ATP10A: variants seen among roughly 807,000 people sequenced by gnomAD.
ATP10A encodes the protein ATPase phospholipid transporting 10A (putative).
In ATP10A, 111 loss-of-function variants were observed where a neutral mutation model predicts 147.8. The observed-to-expected ratio is 0.75, with a 90% CI of 0.64 to 0.88. The LOEUF is 0.88. Ranked by LOEUF, ATP10A falls within the 40% of genes least tolerant of loss-of-function variation. The probability of loss-of-function intolerance (pLI) is 0.00; values close to 1 mark genes in which losing one functional copy is unlikely to be tolerated. For missense variants in ATP10A, 1,927 were observed against 1,959.0 expected (o/e 0.98, Z 0.31); for synonymous variants, 875 against 841.6 (o/e 1.04, Z -0.69).
chr15:25,672,430 G>A (rs1253751656), downstream of ATP10A, among the ~76,000 whole-genome samples: 1 of 152,240 alleles, frequency 6.6e-6, no homozygotes, highest in Non-Finnish European at 1.5e-5. Context: ...CTATTGTGCA[G>A]AATGCTGCTA....
intron 13 of ATP10A, among the ~76,000 whole-genome samples, chr15:25,698,408 C>T (rs1306364452): frequency 6.6e-6 from 1 of 152,172 alleles, no homozygotes; most frequent in African/African-American, 2.4e-5. Flanking sequence ...TATATTTTCT[C>T]TTCCTTAAGA....
At chr15:25,843,661 T>A (rs1892904626) in intron 1 of ATP10A, among the ~76,000 whole-genome samples, 1 of 152,078 alleles carries the variant, frequency 6.6e-6, no homozygotes, top group Admixed American at 6.5e-5. Context: ...TATCCAGGCA[T>A]CCAGAGTAGA....
intron 7 of ATP10A, among the ~76,000 whole-genome samples, chr15:25,721,222 A>G (rs1260482016): frequency 6.6e-6 from 1 of 152,236 alleles, no homozygotes; most frequent in Non-Finnish European, 1.5e-5. Flanking sequence ...TCCCAGGAAC[A>G]CTGTTCCAGG....
At chr15:25,725,864 C>T (rs368295649) in intron 5 of ATP10A, 87 bp downstream of exon 5, 161 of 1,436,636 alleles carry the variant, frequency 1.1e-4, no homozygotes, top group African/African-American at 8.9e-4. Flanking sequence ...GTGATCTGCC[C>T]GCCTCGGCCT....
chr15:25,801,493 T>C (rs1890937498), intron 1 of ATP10A, among the ~76,000 whole-genome samples: 1 of 152,194 alleles, frequency 6.6e-6, no homozygotes, highest in South Asian at 2.1e-4. Context: ...CTTAGCATCC[T>C]GCGTCAGGCA....
chr15:25,728,599 C>A (rs1384569283), intron 3 of ATP10A, among the ~76,000 whole-genome samples: 1 of 152,206 alleles, frequency 6.6e-6, no homozygotes, highest in Non-Finnish European at 1.5e-5. Flanking sequence ...GTGGACTTCT[C>A]CAGCGAAAGC....
chr15:25,741,263 A>G lies in ATP10A; in HGVS notation c.655-5122T>C, dbSNP rs375387463. 2.0e-5 allele frequency among the ~76,000 whole-genome samples: 3 copies of G among 152,136 alleles called. No individual in the cohort carries two copies. The East Asian group carries it at 5.8e-4, about 29-fold the overall frequency. On this transcript the variant is annotated intron_variant, in intron 2 of 20. Coordinates refer to ENST00000555815, the MANE Select transcript of ATP10A (RefSeq NM_024490.4). Reference sequence around the variant, plus strand: ...TCAGAGGGTGACGAATGCTTATTTCAGAAGGATCTCAGGTGCCACAAGCTT... The same window carrying G: ...TCAGAGGGTGACGAATGCTTATTTCGGAAGGATCTCAGGTGCCACAAGCTT...
intron 13 of ATP10A, among the ~76,000 whole-genome samples, chr15:25,697,362 CAT>C (rs1900396630): frequency 6.6e-6 from 1 of 152,138 alleles, no homozygotes; most frequent in Non-Finnish European, 1.5e-5. Context: ...AGTGTCATAA[CAT>C]AATATTCGAA....
At chr15:25,738,566 G>T (rs547477528) in intron 2 of ATP10A, 2 of 152,214 alleles carry the variant, frequency 1.3e-5, no homozygotes, top group Non-Finnish European at 2.9e-5. Context: ...AAGCTAAGCA[G>T]GGTCAGTACT....
intron 1 of ATP10A, among the ~76,000 whole-genome samples, chr15:25,818,928 A>G (rs1284600696): frequency 6.6e-6 from 1 of 152,184 alleles, no homozygotes; most frequent in Non-Finnish European, 1.5e-5. Context: ...CTCTATACAC[A>G]AATCAAGATA....
In ATP10A at chr15:25,687,745, G is replaced by T. The variant is rs748308711; in HGVS notation, c.3249C>A (p.Ser1083=). 1 of 1,612,210 alleles carries T rather than the reference G, an allele frequency of 6.2e-7. No individual in the cohort carries two copies. The highest frequency in any genetic ancestry group is 8.5e-7 in the Non-Finnish European group (1 of 1,178,600). The change falls in exon 16 of 21, where the codon TCC becomes TCA. Residue 1083 remains serine, a synonymous_variant. Coordinates refer to ENST00000555815, the MANE Select transcript of ATP10A (RefSeq NM_024490.4). The stretch of plus-strand genomic sequence containing the variant: ...AGTACAGCACCATGTTGGCAAGTCG[G>T]GAGTAGCACCAATGCCCGTGAAGAA... ...LLILHGHWCY[S]RLANMVLYFF...
At chr15:25,851,667 C>T (rs755214966) in intron 1 of ATP10A, among the ~76,000 whole-genome samples, 9 of 152,124 alleles carry the variant, frequency 5.9e-5, no homozygotes, top group Admixed American at 2.6e-4. Context: ...CAGTGGGGAT[C>T]GGATCTATTC....
intron 1 of ATP10A, among the ~76,000 whole-genome samples, chr15:25,843,325 C>T (rs1464705826): frequency 2.0e-5 from 3 of 151,690 alleles, no homozygotes; most frequent in Non-Finnish European, 4.4e-5. Context: ...AGCACAGCTC[C>T]ACATATGTCA....
chr15:25,797,297 T>C (rs144016489), intron 1 of ATP10A, among the ~76,000 whole-genome samples: 2 of 152,306 alleles, frequency 1.3e-5, no homozygotes, highest in African/African-American at 4.8e-5. Context: ...TTCTAGTAAG[T>C]TGGAAATGTA....
chr15:25,746,977 C>A (rs1292941725), intron 2 of ATP10A, among the ~76,000 whole-genome samples: 1 of 152,104 alleles, frequency 6.6e-6, no homozygotes, highest in Non-Finnish European at 1.5e-5. Flanking sequence ...TGAAAAACTT[C>A]TTGTCTTAAG....
rs552775083 is a variant in ATP10A, at chr15:25,768,428, C to A, written c.654+12591G>T. Among the ~76,000 whole-genome samples the A allele has an allele frequency of 2.0e-5, 3 of 152,246 alleles. No homozygotes were observed. The South Asian group carries it at 6.2e-4, about 32-fold the overall frequency. ...AGAGGCAAAGCTCCTGGCTGGGCAC[C>A]TGGACTCCCATCCTGTCCACCCCAA... On this transcript the variant is annotated intron_variant, in intron 2 of 20. Transcript: ENST00000555815.
At chr15:25,780,494 A>G in intron 2 of ATP10A, among the ~76,000 whole-genome samples, 1 of 152,258 alleles carries the variant, frequency 6.6e-6, no homozygotes, top group East Asian at 1.9e-4. Flanking sequence ...AGCCCAATGG[A>G]GTCGGTGTGT....
At chr15:25,701,352 T>G (rs1900651798) in intron 13 of ATP10A, among the ~76,000 whole-genome samples, 1 of 152,162 alleles carries the variant, frequency 6.6e-6, no homozygotes, top group African/African-American at 2.4e-5. Context: ...CCAGAGAGGC[T>G]GTGGTGGCTT....
chr15:25,683,796 AC>A, intron 16 of ATP10A: 1 of 393,058 alleles, frequency 2.5e-6, no homozygotes, highest in South Asian at 2.9e-5. Flanking sequence ...TTAACATAAA[AC>A]AAAATCAAGG....
Sources: gnomAD v4.1 joint callset for allele counts (sites outside exome capture counted in the v4.1 genomes callset) on GRCh38, gnomAD v4.1.1 for gene constraint, MANE v1.5 for transcripts, NCBI Gene and HGNC (gene_info 2026-07-23, HGNC 2026-07-21) for gene names.